Variants in RYR3 observed in about 807,000 individuals in gnomAD.
RYR3 encodes the protein brain ryanodine receptor-calcium release channel.
RYR3 carries 207 observed loss-of-function variants against 584.3 expected under a neutral mutation model. The observed-to-expected ratio is 0.35, with a 90% CI of 0.32 to 0.40. RYR3 has a LOEUF of 0.40. Ranked by LOEUF, RYR3 falls within the 10% of genes least tolerant of loss-of-function variation. The pLI is 1.00. For synonymous variants in RYR3, 2,416 were observed against 2,248.5 expected, an observed-to-expected ratio of 1.07 and a Z score of -2.11; for missense variants, 5,616 against 6,089.2, an observed-to-expected ratio of 0.92 and a Z score of 2.59.
chr15:33,835,636 G>A (rs572400877), intron 87 of RYR3, among the ~76,000 whole-genome samples: 1 of 152,286 alleles, frequency 6.6e-6, no homozygotes, highest in African/African-American at 2.4e-5. Context: ...ACCTTCAGGA[G>A]GTATTTGAGG....
intron 35 of RYR3, 58 bp downstream of exon 35, chr15:33,663,006 T>C: frequency 6.8e-7 from 1 of 1,463,024 alleles, no homozygotes; most frequent in South Asian, 1.2e-5. Context: ...TTGATCAAAA[T>C]ATCAGGAACA....
intron 3 of RYR3, among the ~76,000 whole-genome samples, chr15:33,512,986 G>A (rs2053172650): frequency 6.6e-6 from 1 of 152,060 alleles, no homozygotes; most frequent in Non-Finnish European, 1.5e-5. Flanking sequence ...AGTAGAGATG[G>A]GTTGTAAAAA....
intron 10 of RYR3, among the ~76,000 whole-genome samples, chr15:33,551,633 C>T (rs1035326069): frequency 2.0e-5 from 3 of 152,228 alleles, no homozygotes; most frequent in African/African-American, 7.2e-5. Flanking sequence ...CATGAGCTTC[C>T]TGTTCACATC....
chr15:33,820,618 T>C, intron 77 of RYR3, 138 bp from the exon 78 acceptor site: 1 of 670,900 alleles, frequency 1.5e-6, no homozygotes, highest in South Asian at 2.2e-5. Context: ...GCCAAAATGT[T>C]CCTGGCTTTA....
At chr15:33,439,800 T>C (rs1225486906) in intron 1 of RYR3, among the ~76,000 whole-genome samples, 2 of 152,204 alleles carry the variant, frequency 1.3e-5, no homozygotes, top group Admixed American at 6.5e-5. Flanking sequence ...GACTAACATA[T>C]GGCAAATATA....
intron 1 of RYR3, among the ~76,000 whole-genome samples, chr15:33,383,562 T>G (rs1211178106): frequency 6.6e-6 from 1 of 151,984 alleles, no homozygotes; most frequent in African/African-American, 2.4e-5. Context: ...GACCATTTTG[T>G]TTTTAATTGG....
At chr15:33,487,101 G>T (rs2142427801) in intron 2 of RYR3, among the ~76,000 whole-genome samples, 3 of 152,168 alleles carry the variant, frequency 2.0e-5, no homozygotes, top group Middle Eastern at 6.8e-3. Context: ...GGAAGGCCAA[G>T]GCATGAGAAT....
chr15:33,646,332 G>A lies in RYR3; in HGVS notation c.3766-19G>A, dbSNP rs2062100769. 3.2e-6 allele frequency: 5 copies of A among 1,582,230 alleles called. No homozygotes were observed. In the South Asian group the frequency reaches 5.8e-5, roughly 18 times the overall value. On this transcript the variant is annotated intron_variant, in intron 28 of 103. Coordinates refer to ENST00000634891, the MANE Select transcript of RYR3 (RefSeq NM_001036.6). ...CAGGCCCTTTGGTATGTCAAGGTAA[G>A]GACTCGTCCTGTTTCCAGGTCATGA...
rs558520158 is a variant in RYR3, at chr15:33,437,637, G to C, written c.52-35782G>C. Among the ~76,000 whole-genome samples, 27 of 152,354 alleles carry C rather than the reference G, an allele frequency of 1.8e-4. No individual in the cohort carries two copies. The East Asian group carries it at 4.6e-3, about 26-fold the overall frequency. ...GTTGGGATAACTGTTGAGTGAGCCA[G>C]CTTACAGTCTCTGCCACAGTGGCCT... On this transcript the variant is annotated intron_variant, in intron 1 of 103. Coordinates refer to ENST00000634891, the MANE Select transcript of RYR3 (RefSeq NM_001036.6).
intron 1 of RYR3, among the ~76,000 whole-genome samples, chr15:33,372,092 T>A (rs1194149948): frequency 6.6e-6 from 1 of 152,240 alleles, no homozygotes; most frequent in Non-Finnish European, 1.5e-5. Context: ...CTACTCTATA[T>A]GAATTATTCC....
chr15:33,822,925 C>G, intron 80 of RYR3, 71 bp from the exon 81 acceptor site: 1 of 1,251,344 alleles, frequency 8.0e-7, no homozygotes, highest in South Asian at 1.4e-5. Context: ...ATTTCTCCAT[C>G]AGGATTAGGA....
chr15:33,792,688 A>T (rs2075235008), intron 67 of RYR3, among the ~76,000 whole-genome samples: 1 of 152,258 alleles, frequency 6.6e-6, no homozygotes, highest in African/African-American at 2.4e-5. Context: ...AACAACAATT[A>T]TATGAGAAAT....
rs1456806862 is a variant in RYR3, at chr15:33,744,304, TAC to T, written c.7900-1760_7900-1759del. ...TTTGTATTTATAACAGTTAAACATCTACACATTTATTCTATTTATCAATTTTA... is the reference window on the plus strand; with the variant it reads ...TTTGTATTTATAACAGTTAAACATCTACATTTATTCTATTTATCAATTTTA... On this transcript the variant is annotated intron_variant, in intron 52 of 103. Coordinates refer to ENST00000634891, the MANE Select transcript of RYR3 (RefSeq NM_001036.6). Among the ~76,000 whole-genome samples, 4 of 152,240 alleles carry T rather than the reference TAC, an allele frequency of 2.6e-5. No homozygotes were observed. In the East Asian group the frequency reaches 7.7e-4, roughly 29 times the overall value.
Position 33,865,364 on chromosome 15 carries a change from G to GTGCTATTTTGAAATTGATTTGGC in RYR3, c.*140_*162dup, listed in dbSNP as rs1462075998. On this transcript the variant is annotated 3_prime_UTR_variant, in exon 104 of 104. Transcript: ENST00000634891. ...TTAAAAAAAAAACTGCTGAAAATCT[G>GTGCTATTTTGAAATTGATTTGGC]TGCTATTTTGAAATTGATTTGGCTT... 1 of 647,280 alleles carries GTGCTATTTTGAAATTGATTTGGC rather than the reference G, an allele frequency of 1.5e-6. No individual in the cohort carries two copies. Among genetic ancestry groups the GTGCTATTTTGAAATTGATTTGGC allele is most frequent in the East Asian group, 2.8e-5 (1 of 36,260 alleles). The allele number at this position is 647,280 out of a possible 1,614,324, so 40.1% of individuals were successfully genotyped here.
chr15:33,420,939 G>A (rs1596061085), intron 1 of RYR3, among the ~76,000 whole-genome samples: 1 of 152,212 alleles, frequency 6.6e-6, no homozygotes, highest in Middle Eastern at 3.4e-3. Flanking sequence ...ACCATGCAGT[G>A]TGCTGGAGAC....
intron 11 of RYR3, among the ~76,000 whole-genome samples, chr15:33,563,373 A>C (rs971492702): frequency 2.0e-5 from 3 of 152,254 alleles, no homozygotes; most frequent in African/African-American, 7.2e-5. Context: ...TTTTCATAAT[A>C]GACTAAATAG....
At position 33,785,990 on chromosome 15, in the gene RYR3, C is replaced by A. The variant is rs756486432; in HGVS notation, c.9589+8C>A. 4 of 1,536,830 alleles carry A rather than the reference C, an allele frequency of 2.6e-6. No individual in the cohort carries two copies. Among genetic ancestry groups the A allele is most frequent in the Non-Finnish European group, 2.6e-6 (3 of 1,139,172 alleles). ...GGATGAAGCGCATTGCAGGTACCGACCCCTTTCTCCCCAGTCCCCAGCCCA... is the reference window on the plus strand; with the variant it reads ...GGATGAAGCGCATTGCAGGTACCGAACCCTTTCTCCCCAGTCCCCAGCCCA... On this transcript the variant is annotated splice_region_variant and intron_variant, in intron 66 of 103. Transcript: ENST00000634891.
intron 1 of RYR3, among the ~76,000 whole-genome samples, chr15:33,437,938 G>A (rs1245543196): frequency 2.0e-5 from 3 of 152,010 alleles, no homozygotes; most frequent in African/African-American, 4.8e-5. Flanking sequence ...GCCCAGGCTG[G>A]CCTTGAACTC....
At chr15:33,740,502 C>T (rs1013787509) in intron 51 of RYR3, among the ~76,000 whole-genome samples, 14 of 152,314 alleles carry the variant, frequency 9.2e-5, no homozygotes, top group Admixed American at 9.2e-4. Flanking sequence ...GCTGGAGCTT[C>T]AGAATAGCCC....
Sources: gnomAD v4.1 joint callset for allele counts (sites outside exome capture counted in the v4.1 genomes callset) on GRCh38, gnomAD v4.1.1 for gene constraint, MANE v1.5 for transcripts, NCBI Gene and HGNC (gene_info 2026-07-23, HGNC 2026-07-21) for gene names.